Variants in TFPT observed in about 807,000 individuals in gnomAD.
TFPT encodes TCF3 fusion partner.
Under a neutral mutation model 28.8 loss-of-function variants are expected in TFPT, and 27 were observed. That is an observed-to-expected ratio of 0.94 (90% CI 0.69 to 1.29). The LOEUF is 1.29. Among genes scored for constraint, TFPT ranks in the 50% most tolerant of loss-of-function variants. The pLI, the probability that TFPT is intolerant of heterozygous loss-of-function variation, is 0.00. For missense variants in TFPT, 330 were observed against 338.0 expected (o/e 0.98, Z 0.19); for synonymous variants, 152 against 142.8 (o/e 1.06, Z -0.46).
In TFPT at chr19:54,107,568, G is replaced by C. The variant is rs587762135; in HGVS notation, c.643-399C>G. On this transcript the variant is annotated intron_variant, in intron 5 of 5. Transcript: ENST00000391759. ...CTGGCCAGCCTCACAGTTCTTGTCT[G>C]CCCAGGCCAGTCACCTTCCTCCTTA... 1.1e-4 allele frequency: 30 copies of C among 283,792 alleles called. No individual in the cohort carries two copies. The South Asian group carries it at 1.7e-3, about 16-fold the overall frequency. 17.6% of individuals were successfully genotyped at this position (283,792 alleles called of 1,614,324 possible).
intron 2 of TFPT, among the ~76,000 whole-genome samples, chr19:54,113,777 C>T (rs112414393): frequency 0.014 from 2,180 of 152,258 alleles, 55 homozygotes; most frequent in African/African-American, 0.049. Flanking sequence ...CTGCAACCTC[C>T]GCCTTCCGGG....
At chr19:54,109,751 G>A (rs1253650608) in intron 3 of TFPT, among the ~76,000 whole-genome samples, 2 of 50,354 alleles carry the variant, frequency 4.0e-5, no homozygotes, top group South Asian at 9.7e-4. Flanking sequence ...GTCTGTGCTC[G>A]TGTGCCTTCC....
In TFPT at chr19:54,115,475, C is replaced by A; in HGVS notation, c.-206G>T. The A allele has an allele frequency of 1.6e-6, 1 of 641,802 alleles. No individual in the cohort carries two copies. Among genetic ancestry groups the A allele is most frequent in the Non-Finnish European group, 2.7e-6 (1 of 372,760 alleles). 39.8% of individuals were successfully genotyped at this position (641,802 alleles called of 1,614,324 possible). On this transcript the variant is annotated 5_prime_UTR_variant, in exon 1 of 6. Coordinates refer to ENST00000391759, the MANE Select transcript of TFPT (RefSeq NM_013342.4). ...TCCACCCCGAATCCCTGCTTAAAGG[C>A]CTTGCTTTCTTGTCTAACGCCGCAA...
intron 3 of TFPT, chr19:54,108,632 A>C (rs1600293371): frequency 6.7e-7 from 1 of 1,489,592 alleles, no homozygotes; most frequent in East Asian, 2.5e-5. Flanking sequence ...ACGACATGAC[A>C]CCCTCGGCTG....
intron 2 of TFPT, among the ~76,000 whole-genome samples, chr19:54,113,080 C>T (rs1032598084): frequency 5.6e-5 from 6 of 106,798 alleles, no homozygotes; most frequent in African/African-American, 1.9e-4. Context: ...GAGACAAGAG[C>T]GAGACTCCAC....
In TFPT at chr19:54,112,867, C is replaced by A. The variant is rs587720648; in HGVS notation, c.282+1575G>T. On this transcript the variant is annotated intron_variant, in intron 2 of 5. Coordinates refer to ENST00000391759, the MANE Select transcript of TFPT (RefSeq NM_013342.4). Reference sequence around the variant, plus strand: ...CAGCACCTTGGGAGGCTGAGGTGGGCAGATCACCTGAGGTCAGGAGTTTGA... The same window carrying A: ...CAGCACCTTGGGAGGCTGAGGTGGGAAGATCACCTGAGGTCAGGAGTTTGA... Among the ~76,000 whole-genome samples, 434 of 151,230 alleles carry A rather than the reference C, an allele frequency of 2.9e-3. 3 individuals carry two copies. The highest frequency in any genetic ancestry group is 3.2e-3 in the Non-Finnish European group (218 of 67,778).
At position 54,107,970 on chromosome 19, in the gene TFPT, C is replaced by A. The variant is rs587680599; in HGVS notation, c.642+56G>T. On this transcript the variant is annotated intron_variant, in intron 5 of 5. Coordinates refer to ENST00000391759, the MANE Select transcript of TFPT (RefSeq NM_013342.4). The stretch of plus-strand genomic sequence containing the variant: ...CCCTTGAGTCCCCCCTCCTTACCTG[C>A]ACTGGCGCCGGCTCTGGAGCCCCAG... The A allele has an allele frequency of 9.4e-6, 14 of 1,492,550 alleles. No homozygotes were observed. The Admixed American group carries it at 2.5e-4, about 27-fold the overall frequency. 92.5% of individuals were successfully genotyped at this position (1,492,550 alleles called of 1,614,324 possible).
rs1290615547 is a variant in TFPT at position 54,115,238 on chromosome 19, G to C, written c.23+9C>G. ...ATTCGCACTTTTTCACAAGGGCTCA[G>C]CCACATACCCTTCTCTCTGCTCCAA... On this transcript the variant is annotated intron_variant, in intron 1 of 5. Coordinates refer to ENST00000391759, the MANE Select transcript of TFPT (RefSeq NM_013342.4). 6.2e-7 allele frequency: 1 copy of C among 1,614,082 alleles called. No individual in the cohort carries two copies. The highest frequency in any genetic ancestry group is 2.2e-5 in the East Asian group (1 of 44,876).
intron 1 of TFPT, 113 bp downstream of exon 1, chr19:54,115,134 G>T (rs1440162349): frequency 2.0e-6 from 3 of 1,507,150 alleles, no homozygotes; most frequent in African/African-American, 1.4e-5. Context: ...TAAAGCAGTT[G>T]CATGAACTAC....
Position 54,107,184 on chromosome 19 carries a change from G to A in TFPT, c.643-15C>T, listed in dbSNP as rs773591725. 6 of 1,609,322 alleles carry A rather than the reference G, an allele frequency of 3.7e-6. No individual in the cohort carries two copies. The highest frequency in any genetic ancestry group is 3.4e-5 in the Admixed American group (2 of 58,172). ...TCAACCTTAATCTGCAGGAGATAAGGAACAAGGTGTTAACAGGCCTGGGAA... is the reference window on the plus strand; with the variant it reads ...TCAACCTTAATCTGCAGGAGATAAGAAACAAGGTGTTAACAGGCCTGGGAA... On this transcript the variant is annotated splice_polypyrimidine_tract_variant and intron_variant, in intron 5 of 5. Transcript: ENST00000391759.
chr19:54,115,244 T>TA lies in TFPT; in HGVS notation c.23+2dup, dbSNP rs750585181. On this transcript the variant is annotated splice_region_variant and intron_variant, in intron 1 of 5. Coordinates refer to ENST00000391759, the MANE Select transcript of TFPT (RefSeq NM_013342.4). ...ACTTTTTCACAAGGGCTCAGCCACATACCCTTCTCTCTGCTCCAATTCCAT... is the reference window on the plus strand; with the variant it reads ...ACTTTTTCACAAGGGCTCAGCCACATAACCCTTCTCTCTGCTCCAATTCCAT... 2 of 1,614,044 alleles carry TA rather than the reference T, an allele frequency of 1.2e-6. No individual in the cohort carries two copies. Among genetic ancestry groups the TA allele is most frequent in the East Asian group, 4.5e-5 (2 of 44,888 alleles).
chr19:54,115,227 A>T lies in TFPT; in HGVS notation c.23+20T>A, dbSNP rs375587030. 3.7e-6 allele frequency: 6 copies of T among 1,613,926 alleles called. No individual in the cohort carries two copies. The highest frequency in any genetic ancestry group is 1.7e-5 in the Admixed American group (1 of 59,992). ...TGTTTTCTGGGATTCGCACTTTTTC[A>T]CAAGGGCTCAGCCACATACCCTTCT... On this transcript the variant is annotated intron_variant, in intron 1 of 5. Transcript: ENST00000391759.
chr19:54,107,584 T>G, intron 5 of TFPT: 1 of 271,398 alleles, frequency 3.7e-6, no homozygotes. Flanking sequence ...GCCAGTCACC[T>G]TCCTCCTTAC....
intron 3 of TFPT, chr19:54,109,048 C>G (rs587612788): frequency 1.2e-5 from 2 of 162,118 alleles, no homozygotes; most frequent in Admixed American, 1.2e-4. Context: ...GCGCCTGCCA[C>G]TACACCCGGC....
rs1225383999 is a variant in TFPT at position 54,115,647 on chromosome 19, C to G, written c.-378G>C. 2 of 395,450 alleles carry G rather than the reference C, an allele frequency of 5.1e-6. No homozygotes were observed. The highest frequency in any genetic ancestry group is 4.2e-5 in the East Asian group (1 of 24,084). The allele number at this position is 395,450 out of a possible 1,614,324, so 24.5% of individuals were successfully genotyped here. ...CTTACCGCCTCTCTCCGCCTAGTGC[C>G]AGGTGCTAATAAAGTTGTTGTTTCA... On this transcript the variant is annotated 5_prime_UTR_variant, in exon 1 of 6. Transcript: ENST00000391759.
chr19:54,108,780 C>CT, intron 3 of TFPT: 1 of 629,740 alleles, frequency 1.6e-6, no homozygotes, highest in Non-Finnish European at 2.7e-6. Context: ...GAACGCTCCT[C>CT]CTAATGACCT....
Position 54,115,291 on chromosome 19 carries a change from C to T in TFPT, c.-22G>A. 1 of 1,613,990 alleles carries T rather than the reference C, an allele frequency of 6.2e-7. No homozygotes were observed. Among genetic ancestry groups the T allele is most frequent in the Non-Finnish European group, 8.5e-7 (1 of 1,180,038 alleles). On this transcript the variant is annotated 5_prime_UTR_variant, in exon 1 of 6. Coordinates refer to ENST00000391759, the MANE Select transcript of TFPT (RefSeq NM_013342.4). ...CCATCTCCGCGACCTCCGGAAGCCC[C>T]GGGCCTCAGAGCTTCCGACCTCTTC... is the stretch of plus-strand genomic sequence containing the variant.
At chr19:54,112,581 G>A (rs1321384053) in intron 2 of TFPT, among the ~76,000 whole-genome samples, 1 of 151,702 alleles carries the variant, frequency 6.6e-6, no homozygotes, top group Non-Finnish European at 1.5e-5. Context: ...TTGAGGTCAG[G>A]AGTTCAAGAC....
intron 2 of TFPT, among the ~76,000 whole-genome samples, chr19:54,112,965 C>T (rs907067223): frequency 5.3e-5 from 8 of 150,810 alleles, no homozygotes; most frequent in South Asian, 4.2e-4. Flanking sequence ...TGGTGGCGGG[C>T]GCCTGTAATC....
Sources: allele counts gnomAD v4.1 joint callset (sites outside exome capture counted in the v4.1 genomes callset), GRCh38; gene constraint gnomAD v4.1.1; transcripts MANE v1.5; gene names NCBI Gene and HGNC (gene_info 2026-07-23, HGNC 2026-07-21).